Variants in ACSS3 observed in about 807,000 individuals in gnomAD.
ACSS3 encodes the protein acyl-CoA synthetase short chain family member 3, also known as acyl-CoA synthetase short-chain family member 3, mitochondrial.
In ACSS3, 64 loss-of-function variants were observed where a neutral mutation model predicts 84.2. That is an observed-to-expected ratio of 0.76 (90% CI 0.62 to 0.94). The LOEUF (loss-of-function observed/expected upper bound fraction) is 0.94, where lower values mean the gene tolerates loss of function less well. Ranked by LOEUF, ACSS3 falls within the 40% of genes least tolerant of loss-of-function variation. ACSS3 has a pLI of 0.00. For missense variants in ACSS3, 815 were observed against 867.6 expected (o/e 0.94, Z 0.76); for synonymous variants, 317 against 310.1 (o/e 1.02, Z -0.23).
At chr12:81,096,723 T>G (rs1461435361) in intron 1 of ACSS3, among the ~76,000 whole-genome samples, 1 of 152,062 alleles carries the variant, frequency 6.6e-6, no homozygotes, top group Non-Finnish European at 1.5e-5. Flanking sequence ...CATGTGGTGT[T>G]TGGTTTTCTG....
intron 7 of ACSS3, among the ~76,000 whole-genome samples, chr12:81,155,978 A>G (rs1886843545): frequency 6.6e-6 from 1 of 152,330 alleles, no homozygotes; most frequent in Admixed American, 6.5e-5. Context: ...CCACAGAATA[A>G]TTACCAAGAT....
rs538131246 is a variant in ACSS3 at position 81,169,497 on chromosome 12, G to T, written c.1099-5291G>T. On this transcript the variant is annotated intron_variant, in intron 7 of 15. Coordinates refer to ENST00000548058, the MANE Select transcript of ACSS3 (RefSeq NM_024560.4). ...TCTTTTTTCATACTTTAAAACTTAC[G>T]AAAGGGAAAACATTGGAAACCTCAC... 3.4e-4 allele frequency among the ~76,000 whole-genome samples: 51 copies of T among 152,134 alleles called. 1 individual carries two copies. Among genetic ancestry groups the T allele is most frequent in the Admixed American group, 3.3e-3 (50 of 15,276 alleles).
At chr12:81,209,203 A>AG (rs1158375653) in intron 9 of ACSS3, among the ~76,000 whole-genome samples, 1 of 152,098 alleles carries the variant, frequency 6.6e-6, no homozygotes, top group Non-Finnish European at 1.5e-5. Flanking sequence ...ACAGAATGTC[A>AG]GGGACTGGAC....
intron 8 of ACSS3, among the ~76,000 whole-genome samples, chr12:81,196,677 A>T (rs140203359): frequency 0.014 from 2,134 of 152,204 alleles, 118 homozygotes; most frequent in Admixed American, 0.1. Flanking sequence ...CTGTACAAGA[A>T]GCAAATGCCA....
At chr12:81,225,136 G>A (rs1268413153) in intron 11 of ACSS3, among the ~76,000 whole-genome samples, 1 of 151,528 alleles carries the variant, frequency 6.6e-6, no homozygotes, top group East Asian at 2.0e-4. Flanking sequence ...CATATTCCAT[G>A]TAGATAAAGG....
intron 10 of ACSS3, among the ~76,000 whole-genome samples, chr12:81,218,036 A>C (rs2032984257): frequency 6.6e-6 from 1 of 152,162 alleles, no homozygotes; most frequent in Admixed American, 6.5e-5. Flanking sequence ...TAAATTATAC[A>C]AGTCACATAA....
chr12:81,211,759 T>C lies in ACSS3; in HGVS notation c.1355-5142T>C, dbSNP rs543590634. On this transcript the variant is annotated intron_variant, in intron 9 of 15. Coordinates refer to ENST00000548058, the MANE Select transcript of ACSS3 (RefSeq NM_024560.4). Reference sequence around the variant, plus strand: ...TATTTACATTGTTATGATTCATTAATTTTTTGTTCAGAAGCCCTCATTAGC... The same window carrying C: ...TATTTACATTGTTATGATTCATTAACTTTTTGTTCAGAAGCCCTCATTAGC... 5.3e-5 allele frequency among the ~76,000 whole-genome samples: 8 copies of C among 152,324 alleles called. No homozygotes were observed. In the East Asian group the frequency reaches 1.3e-3, roughly 26 times the overall value.
At chr12:81,231,169 T>G (rs981859947) in intron 12 of ACSS3, 31 bp downstream of exon 12, 22 of 1,503,998 alleles carry the variant, frequency 1.5e-5, no homozygotes, top group Middle Eastern at 1.8e-4. Context: ...TTTTATCTTC[T>G]TATGTACTTT....
In ACSS3 at chr12:81,078,271, T is replaced by C. The variant is rs373470869; in HGVS notation, c.151T>C (p.Cys51Arg). Residue 51 changes from cysteine to arginine, a missense_variant, in exon 1 of 16, where the codon TGC becomes CGC. Cys to Arg is a radical substitution (Grantham distance 180). Transcript: ENST00000548058. ...GPRGGLGGRG[C>R]RALSSGSGSE... The stretch of plus-strand genomic sequence containing the variant: ...GCGGGGCGGTCTCGGGGGCCGGGGA[T>C]GCAGGGCACTGTCCTCCGGCAGTGG... The C allele has an allele frequency of 1.2e-6, 2 of 1,610,410 alleles. No homozygotes were observed. The highest frequency in any genetic ancestry group is 1.3e-5 in the African/African-American group (1 of 74,712).
intron 8 of ACSS3, 136 bp downstream of exon 8, chr12:81,175,075 T>A: frequency 1.1e-6 from 1 of 905,624 alleles, no homozygotes; most frequent in East Asian, 3.0e-5. Context: ...AAGAACAACT[T>A]GTCTAAATAT....
chr12:81,207,784 C>G (rs2032411231), intron 9 of ACSS3, among the ~76,000 whole-genome samples: 1 of 151,978 alleles, frequency 6.6e-6, no homozygotes, highest in Non-Finnish European at 1.5e-5. Context: ...GTCCTGGGTC[C>G]TCTCCCCATA....
chr12:81,169,813 A>C (rs2029894776), intron 7 of ACSS3, among the ~76,000 whole-genome samples: 1 of 152,062 alleles, frequency 6.6e-6, no homozygotes. Flanking sequence ...TGCTATTTCT[A>C]GTTTTATCAC....
At chr12:81,084,268 A>G (rs911661766) in intron 1 of ACSS3, among the ~76,000 whole-genome samples, 2 of 152,218 alleles carry the variant, frequency 1.3e-5, no homozygotes, top group African/African-American at 4.8e-5. Context: ...AGATTTCAAT[A>G]TTTCTTGGTA....
At chr12:81,232,645 C>T (rs1208792763) in intron 12 of ACSS3, among the ~76,000 whole-genome samples, 1 of 151,706 alleles carries the variant, frequency 6.6e-6, no homozygotes, top group Admixed American at 6.6e-5. Context: ...AACTCATTTT[C>T]CCATTTAACA....
intron 8 of ACSS3, among the ~76,000 whole-genome samples, chr12:81,191,686 C>T (rs1027072745): frequency 1.3e-5 from 2 of 152,118 alleles, no homozygotes; most frequent in Non-Finnish European, 2.9e-5. Flanking sequence ...TCAAATACTT[C>T]TACTTTATTT....
At chr12:81,233,314 C>A in intron 12 of ACSS3, 35 bp from the exon 13 acceptor site, 2 of 1,598,494 alleles carry the variant, frequency 1.3e-6, no homozygotes, top group Non-Finnish European at 1.7e-6. Flanking sequence ...GTTAACAGTA[C>A]ATGCTAATCA....
At chr12:81,214,798 T>C (rs1472122805) in intron 9 of ACSS3, among the ~76,000 whole-genome samples, 1 of 152,142 alleles carries the variant, frequency 6.6e-6, no homozygotes, top group Non-Finnish European at 1.5e-5. Context: ...TGTAGAGAGT[T>C]TGAACTCTAG....
chr12:81,176,429 T>G (rs2030482932), intron 8 of ACSS3, among the ~76,000 whole-genome samples: 1 of 151,672 alleles, frequency 6.6e-6, no homozygotes, highest in Admixed American at 6.6e-5. Flanking sequence ...ATTAGCCAGG[T>G]GTGGTGGTGT....
At chr12:81,174,642 G>T in intron 7 of ACSS3, 146 bp from the exon 8 acceptor site, 1 of 873,506 alleles carries the variant, frequency 1.1e-6, no homozygotes, top group South Asian at 2.4e-5. Flanking sequence ...TGCTTTATTT[G>T]TGATAGAACA....
Sources: allele counts gnomAD v4.1 joint callset (sites outside exome capture counted in the v4.1 genomes callset), GRCh38; gene constraint gnomAD v4.1.1; transcripts MANE v1.5; gene names NCBI Gene and HGNC (gene_info 2026-07-23, HGNC 2026-07-21).